SDK1: variants seen among roughly 807,000 people sequenced by gnomAD.
SDK1 encodes sidekick cell adhesion molecule 1.
In SDK1, 157 loss-of-function variants were observed where a neutral mutation model predicts 245.5. The observed-to-expected ratio is 0.64, with a 90% CI of 0.56 to 0.73. The LOEUF (loss-of-function observed/expected upper bound fraction) is 0.73. Ranked by LOEUF, SDK1 falls within the 30% of genes least tolerant of loss-of-function variation. The pLI, the probability that SDK1 is intolerant of heterozygous loss-of-function variation, is 0.00. For synonymous variants in SDK1, 1,647 were observed against 1,278.5 expected, an observed-to-expected ratio of 1.29 and a Z score of -6.15; for missense variants, 3,583 against 3,002.3, an observed-to-expected ratio of 1.19 and a Z score of -4.52.
At chr7:3,424,305 A>G (rs1307296258) in intron 1 of SDK1, among the ~76,000 whole-genome samples, 2 of 152,206 alleles carry the variant, frequency 1.3e-5, no homozygotes, top group African/African-American at 4.8e-5. Flanking sequence ...TAATCAGAAT[A>G]GCTTGATGTA....
In SDK1 at chr7:4,241,866, C is replaced by A. The variant is rs763751694; in HGVS notation, c.6204C>A (p.Ser2068Arg). Reference protein sequence around the residue: ...NGGFAALELSSRHLNVKSTFS... With the variant: ...NGGFAALELSRRHLNVKSTFS... ...GATTTGCTGCCCTGGAGCTCAGCAG[C>A]CGCCACCTCAATGTCAAGAGCACCT... Residue 2068 changes from serine (S) to arginine (R), a missense_variant, in exon 43 of 45, where the codon AGC becomes AGA. By Grantham distance (110) the Ser-to-Arg change is moderately radical. Transcript: ENST00000404826. The A allele has an allele frequency of 6.2e-7, 1 of 1,614,086 alleles. No individual in the cohort carries two copies. The highest frequency in any genetic ancestry group is 1.1e-5 in the South Asian group (1 of 91,086).
chr7:3,846,690 T>C (rs1405186755), intron 5 of SDK1, among the ~76,000 whole-genome samples: 1 of 152,206 alleles, frequency 6.6e-6, no homozygotes, highest in East Asian at 1.9e-4. Flanking sequence ...TCTGAACTCA[T>C]CTTTTCCACA....
At chr7:3,949,082 T>C (rs919545671) in intron 5 of SDK1, among the ~76,000 whole-genome samples, 1 of 152,104 alleles carries the variant, frequency 6.6e-6, no homozygotes, top group African/African-American at 2.4e-5. Flanking sequence ...AGAAATCTGA[T>C]AACCAGCCCA....
intron 1 of SDK1, among the ~76,000 whole-genome samples, chr7:3,577,096 C>G (rs1255511541): frequency 2.0e-5 from 3 of 151,984 alleles, no homozygotes; most frequent in Non-Finnish European, 4.4e-5. Context: ...CTCCTGGAGC[C>G]TGGCCATACT....
At chr7:4,150,167 C>T (rs558260989) in intron 30 of SDK1, among the ~76,000 whole-genome samples, 1 of 152,160 alleles carries the variant, frequency 6.6e-6, no homozygotes, top group African/African-American at 2.4e-5. Context: ...TTAGAAGCCA[C>T]CCCAGGAGTC....
At chr7:3,394,501 A>G (rs1348730309) in intron 1 of SDK1, among the ~76,000 whole-genome samples, 1 of 152,064 alleles carries the variant, frequency 6.6e-6, no homozygotes, top group African/African-American at 2.4e-5. Context: ...TGATTATTCT[A>G]AATGTTTTGC....
At chr7:3,490,396 G>A (rs1781831436) in intron 1 of SDK1, among the ~76,000 whole-genome samples, 1 of 152,136 alleles carries the variant, frequency 6.6e-6, no homozygotes, top group African/African-American at 2.4e-5. Flanking sequence ...TTTGGCCTAG[G>A]CACTGTATCC....
intron 1 of SDK1, among the ~76,000 whole-genome samples, chr7:3,426,315 G>C (rs928076335): frequency 1.3e-5 from 2 of 152,162 alleles, no homozygotes; most frequent in African/African-American, 4.8e-5. Context: ...GAGTGATAAG[G>C]GTGCTAAGTG....
At chr7:3,661,405 G>GC (rs1783351279) in intron 4 of SDK1, among the ~76,000 whole-genome samples, 1 of 152,136 alleles carries the variant, frequency 6.6e-6, no homozygotes, top group Non-Finnish European at 1.5e-5. Context: ...TTAACAACCT[G>GC]CCGTTGGCTT....
intron 29 of SDK1, 91 bp downstream of exon 29, chr7:4,146,007 G>T: frequency 1.6e-5 from 18 of 1,156,042 alleles, no homozygotes; most frequent in Non-Finnish European, 1.6e-5. Context: ...TACCTGGGAG[G>T]CTTCGGCCTT....
At chr7:3,423,611 C>T (rs1164025438) in intron 1 of SDK1, among the ~76,000 whole-genome samples, 1 of 151,070 alleles carries the variant, frequency 6.6e-6, no homozygotes, top group African/African-American at 2.4e-5. Context: ...AAAAAGTATC[C>T]TAAATATAAA....
At chr7:3,383,757 G>C (rs1056650625) in intron 1 of SDK1, among the ~76,000 whole-genome samples, 1 of 152,170 alleles carries the variant, frequency 6.6e-6, no homozygotes, top group Non-Finnish European at 1.5e-5. Flanking sequence ...AAACATCTTT[G>C]ATGCATAGAG....
At chr7:3,813,510 A>G (rs1331089574) in intron 4 of SDK1, among the ~76,000 whole-genome samples, 3 of 146,624 alleles carry the variant, frequency 2.0e-5, no homozygotes, top group Admixed American at 6.9e-5. Flanking sequence ...CCAGTCTATC[A>G]TTGTTGGACA....
intron 1 of SDK1, among the ~76,000 whole-genome samples, chr7:3,316,529 C>T (rs997335743): frequency 6.6e-5 from 10 of 152,136 alleles, no homozygotes; most frequent in African/African-American, 2.4e-4. Flanking sequence ...TGATGCATGA[C>T]CTGTATATTC....
At chr7:3,988,076 G>A (rs1784010933) in intron 14 of SDK1, among the ~76,000 whole-genome samples, 1 of 151,526 alleles carries the variant, frequency 6.6e-6, no homozygotes, top group Non-Finnish European at 1.5e-5. Context: ...ATCTGTATCG[G>A]GTTGTCTCAC....
At chr7:3,624,849 C>T (rs1274886172) in intron 2 of SDK1, among the ~76,000 whole-genome samples, 1 of 151,822 alleles carries the variant, frequency 6.6e-6, no homozygotes, top group Non-Finnish European at 1.5e-5. Flanking sequence ...AGTTTGAGAC[C>T]AGCCTGACCA....
intron 5 of SDK1, among the ~76,000 whole-genome samples, chr7:3,898,787 G>A (rs1222717190): frequency 6.6e-6 from 1 of 152,138 alleles, no homozygotes; most frequent in African/African-American, 2.4e-5. Context: ...CGTTGGGAAC[G>A]TGTTTTAATA....
chr7:3,889,677 T>A (rs879294582), intron 5 of SDK1, among the ~76,000 whole-genome samples: 1 of 152,114 alleles, frequency 6.6e-6, no homozygotes, highest in Non-Finnish European at 1.5e-5. Context: ...CTGGCTAATT[T>A]TTTTGTATTT....
chr7:3,852,497 C>T (rs984470445), intron 5 of SDK1, among the ~76,000 whole-genome samples: 1 of 151,564 alleles, frequency 6.6e-6, no homozygotes, highest in African/African-American at 2.4e-5. Flanking sequence ...CCTGTAATCC[C>T]AGCACTTTGG....
Sources: gnomAD v4.1 joint callset for allele counts (sites outside exome capture counted in the v4.1 genomes callset) on GRCh38, gnomAD v4.1.1 for gene constraint, MANE v1.5 for transcripts, NCBI Gene and HGNC (gene_info 2026-07-23, HGNC 2026-07-21) for gene names.